The following DST variants were observed in gnomAD, a reference collection of about 807,000 sequenced individuals.
DST encodes dystonin, also known as bullous pemphigoid antigen.
In DST, 253 loss-of-function variants were observed where a neutral mutation model predicts 875.2. The observed-to-expected ratio is 0.29, with a 90% CI of 0.26 to 0.32. The LOEUF (loss-of-function observed/expected upper bound fraction) is 0.32. Among genes scored for constraint, DST ranks in the 10% least tolerant of loss-of-function variants. The pLI is 1.00. For synonymous variants in DST, 3,124 were observed against 3,197.1 expected (o/e 0.98, Z 0.77); for missense variants, 8,287 against 9,111.6 (o/e 0.91, Z 3.68).
At chr6:56,681,186 G>A (rs940616911) in intron 9 of DST, among the ~76,000 whole-genome samples, 1 of 152,094 alleles carries the variant, frequency 6.6e-6, no homozygotes, top group Admixed American at 6.6e-5. Context: ...CTAGCTCAGA[G>A]AATGGCCCCA....
chr6:56,485,098 A>G (rs1197818200), intron 88 of DST: 2 of 487,426 alleles, frequency 4.1e-6, no homozygotes, highest in African/African-American at 4.0e-5. Flanking sequence ...ATTAAAAGCA[A>G]AAGTATTTCA....
intron 16 of DST, 27 bp downstream of exon 16, chr6:56,642,383 C>G (rs953272278): frequency 6.6e-7 from 1 of 1,525,314 alleles, no homozygotes; most frequent in African/African-American, 1.4e-5. Flanking sequence ...TCTACCACAA[C>G]CCCAATGGCT....
intron 7 of DST, among the ~76,000 whole-genome samples, chr6:56,702,768 C>T (rs530001006): frequency 2.6e-5 from 4 of 152,066 alleles, no homozygotes; most frequent in East Asian, 3.9e-4. Context: ...AGCAAAAATA[C>T]AAAAAATGGA....
Position 56,511,217 on chromosome 6 carries a change from C to T in DST, c.18760G>A (p.Ala6254Thr). The T allele has an allele frequency of 6.3e-7, 1 of 1,584,908 alleles. No homozygotes were observed. The highest frequency in any genetic ancestry group is 8.6e-7 in the Non-Finnish European group (1 of 1,163,846). The change falls in exon 73 of 104, where the codon GCC becomes ACC. Residue 6254 changes from alanine (A) to threonine (T), a missense_variant. Around this residue, in one of 10 missense-constraint regions of DST, gnomAD observed 1,292 missense variants for 1,552.7 expected, o/e 0.83. Transcript: ENST00000680361. ...ATTACCTGAGTTGATTGAGAAATGG[C>T]TTCATCCAGTGCCACAGCACGCTTT... Reference protein sequence around the residue: ...VKKRAVALDEAISQSTQFHDK... With the variant: ...VKKRAVALDETISQSTQFHDK...
intron 50 of DST, among the ~76,000 whole-genome samples, chr6:56,574,931 T>C (rs2097843111): frequency 6.6e-6 from 1 of 152,196 alleles, no homozygotes; most frequent in Admixed American, 6.6e-5. Flanking sequence ...TGACTTGTAT[T>C]TGGCCCATGA....
rs1480062292 is a variant in DST, at chr6:56,605,978, T to A, written c.8650A>T (p.Ser2884Cys). The A allele has an allele frequency of 5.6e-6, 9 of 1,612,590 alleles. No individual in the cohort carries two copies. Among genetic ancestry groups the A allele is most frequent in the Non-Finnish European group, 7.6e-6 (9 of 1,179,236 alleles). ...RVNVVQLASP[S>C]ENNLVTEKSN... The stretch of plus-strand genomic sequence containing the variant: ...TTTTCAGTAACTAAGTTATTTTCAC[T>A]AGGTGATGCTAGCTGTACAACATTT... The change falls in exon 40 of 104, where the codon AGT becomes TGT. Residue 2884 changes from serine to cysteine, a missense_variant. Ser to Cys is a moderately radical substitution (Grantham distance 112, BLOSUM62 -1). Coordinates refer to ENST00000680361, the MANE Select transcript of DST (RefSeq NM_001374736.1).
At chr6:56,612,348 G>A (rs1186227834) in intron 37 of DST, among the ~76,000 whole-genome samples, 2 of 152,224 alleles carry the variant, frequency 1.3e-5, no homozygotes, top group East Asian at 1.9e-4. Context: ...CCACATGGGC[G>A]ACAGAGTAAG....
At chr6:56,883,196 C>T (rs1023345406) in intron 3 of DST, among the ~76,000 whole-genome samples, 2 of 152,080 alleles carry the variant, frequency 1.3e-5, no homozygotes, top group Non-Finnish European at 2.9e-5. Flanking sequence ...AGTTTTGTTT[C>T]AATGATGATT....
At chr6:56,525,155 T>A (rs2096775001) in intron 69 of DST, among the ~76,000 whole-genome samples, 2 of 152,108 alleles carry the variant, frequency 1.3e-5, no homozygotes, top group Non-Finnish European at 2.9e-5. Context: ...AAATTCTTAC[T>A]CCCAAGAGTA....
chr6:56,822,209 C>A (rs1402140237), intron 4 of DST, among the ~76,000 whole-genome samples: 4 of 152,098 alleles, frequency 2.6e-5, no homozygotes, highest in Non-Finnish European at 5.9e-5. Flanking sequence ...TTTATGAAAT[C>A]ACAGTTTTGG....
intron 2 of DST, among the ~76,000 whole-genome samples, chr6:56,915,176 T>C (rs1356000658): frequency 2.0e-5 from 3 of 152,230 alleles, no homozygotes; most frequent in Admixed American, 2.0e-4. Context: ...TCTGAGATAC[T>C]ACTCACAGAC....
At chr6:56,734,780 A>T (rs985763611) in intron 5 of DST, among the ~76,000 whole-genome samples, 1 of 152,226 alleles carries the variant, frequency 6.6e-6, no homozygotes, top group Admixed American at 6.5e-5. Flanking sequence ...TAAGTATAAG[A>T]ATATAATAAG....
At chr6:56,503,707 T>C (rs745580625) in intron 78 of DST, among the ~76,000 whole-genome samples, 6 of 151,778 alleles carry the variant, frequency 4.0e-5, no homozygotes, top group Non-Finnish European at 5.9e-5. Flanking sequence ...TATAACATTT[T>C]GGGTGACTTG....
chr6:56,598,114 T>A, intron 46 of DST, 108 bp from the exon 47 acceptor site: 1 of 1,078,864 alleles, frequency 9.3e-7, no homozygotes, highest in Non-Finnish European at 1.2e-6. Context: ...ATGAGGGTAC[T>A]AAAAACTGAC....
chr6:56,629,185 T>A, intron 32 of DST, 65 bp downstream of exon 32: 1 of 1,516,518 alleles, frequency 6.6e-7, no homozygotes. Context: ...TATGTGTAGA[T>A]TTTACTCATT....
At position 56,616,184 on chromosome 6, in the gene DST, G is replaced by C. The variant is rs867112939; in HGVS notation, c.4930-1700C>G. The stretch of plus-strand genomic sequence containing the variant: ...GCTCAGCAAAGAATCAGCAAGTTCT[G>C]TAAGTGTGATGAGGCCTTCCTGATA... On this transcript the variant is annotated intron_variant, in intron 36 of 103. Transcript: ENST00000680361. 122 of 1,614,222 alleles carry C rather than the reference G, an allele frequency of 7.6e-5. No homozygotes were observed. Among genetic ancestry groups the C allele is most frequent in the Non-Finnish European group, 1.0e-4 (121 of 1,180,052 alleles).
In DST at chr6:56,729,884, C is replaced by T. The variant is rs2099490069; in HGVS notation, c.687+5344G>A. Reference sequence around the variant, plus strand: ...TGCGCCATGAGTAAATTAAGCTTTCCAAAGTCGTGATGGAACAGTGATAAA... The same window carrying T: ...TGCGCCATGAGTAAATTAAGCTTTCTAAAGTCGTGATGGAACAGTGATAAA... On this transcript the variant is annotated intron_variant, in intron 5 of 103. Transcript: ENST00000680361. Among the ~76,000 whole-genome samples the T allele has an allele frequency of 2.6e-5, 4 of 152,040 alleles. No homozygotes were observed. In the South Asian group the frequency reaches 8.3e-4, roughly 32 times the overall value.
chr6:56,872,832 C>CCCGCTT (rs5876523), intron 3 of DST, among the ~76,000 whole-genome samples: 184 of 127,870 alleles, frequency 1.4e-3, no homozygotes, highest in Middle Eastern at 3.8e-3. Flanking sequence ...TCCCCCCCCC[C>CCCGCTT]TTTTTTTTTT....
At chr6:56,650,393 T>A (rs1284856048) in intron 12 of DST, among the ~76,000 whole-genome samples, 3 of 140,718 alleles carry the variant, frequency 2.1e-5, no homozygotes, top group Non-Finnish European at 4.6e-5. Context: ...AATAGTAGAC[T>A]AATAAACAGC....
Sources: gnomAD v4.1 joint callset for allele counts (sites outside exome capture counted in the v4.1 genomes callset) on GRCh38, gnomAD v4.1.1 for gene constraint, gnomAD v4.1.1 regional missense constraint, MANE v1.5 for transcripts, NCBI Gene and HGNC (gene_info 2026-07-23, HGNC 2026-07-21) for gene names.